The following ANO3 variants were observed in gnomAD, a reference collection of about 807,000 sequenced individuals.
ANO3 encodes the protein anoctamin-3.
A neutral mutation model predicts 144.8 loss-of-function variants in ANO3; 99 were observed. The observed-to-expected ratio is 0.68, with a 90% confidence interval of 0.58 to 0.81. ANO3 has a LOEUF of 0.81. Ranked by LOEUF, ANO3 falls within the 30% of genes least tolerant of loss-of-function variation. The pLI is 0.00. For missense variants in ANO3, 905 were observed against 1,202.2 expected (o/e 0.75, Z 3.66); for synonymous variants, 414 against 392.6 (o/e 1.05, Z -0.64).
At chr11:26,372,163 C>T (rs12099052) in intron 1 of ANO3, among the ~76,000 whole-genome samples, 10,710 of 152,116 alleles carry the variant, frequency 0.07, 663 homozygotes, top group African/African-American at 0.17. Context: ...TCCCCATGCT[C>T]TTCTTGTGAT....
rs1246544187 is a variant in ANO3 at position 26,343,031 on chromosome 11, G to A, written c.46+10710G>A. On this transcript the variant is annotated intron_variant, in intron 1 of 26. Transcript: ENST00000256737. ...CCTCTTAGCAAATTTCAAGTATATA[G>A]TACAGTAATATTAACTACAGTCACC... 2.0e-5 allele frequency among the ~76,000 whole-genome samples: 3 copies of A among 152,058 alleles called. No homozygotes were observed. The South Asian group carries it at 6.2e-4, about 32-fold the overall frequency.
chr11:26,412,555 GT>G (rs1361628842), intron 1 of ANO3, among the ~76,000 whole-genome samples: 3 of 151,830 alleles, frequency 2.0e-5, no homozygotes, highest in Non-Finnish European at 4.4e-5. Context: ...CTGGCACCTG[GT>G]ATACTCAAAT....
chr11:26,561,015 G>T, intron 14 of ANO3: 2 of 1,542,426 alleles, frequency 1.3e-6, no homozygotes, highest in South Asian at 1.2e-5. Context: ...TTTGTCAAAA[G>T]GCTAGGATGT....
intron 17 of ANO3, among the ~76,000 whole-genome samples, chr11:26,615,732 A>G (rs903720474): frequency 6.6e-6 from 1 of 152,186 alleles, no homozygotes; most frequent in Non-Finnish European, 1.5e-5. Context: ...CTTGCAAAAT[A>G]CCAACTTTTA....
intron 1 of ANO3, among the ~76,000 whole-genome samples, chr11:26,192,247 T>C (rs1337283581): frequency 6.6e-6 from 1 of 152,244 alleles, no homozygotes; most frequent in East Asian, 1.9e-4. Flanking sequence ...TAGGAATTTT[T>C]ACCTTATTTT....
chr11:26,454,723 T>G (rs1859083941), intron 3 of ANO3, among the ~76,000 whole-genome samples: 1 of 152,128 alleles, frequency 6.6e-6, no homozygotes. Flanking sequence ...CCTCATTTTA[T>G]GAGGCCAGCA....
chr11:26,607,307 A>ATCC (rs1267804000), intron 17 of ANO3, among the ~76,000 whole-genome samples: 1 of 152,118 alleles, frequency 6.6e-6, no homozygotes, highest in African/African-American at 2.4e-5. Context: ...CTTCGGGTTA[A>ATCC]TCCTCTCGTG....
At chr11:26,208,125 C>T (rs1053806431) in intron 1 of ANO3, 6 of 152,124 alleles carry the variant, frequency 3.9e-5, no homozygotes, top group Admixed American at 6.5e-5. Context: ...AGCAATTAGT[C>T]TATTCGTGAG....
chr11:26,501,974 C>A (rs113657172), intron 4 of ANO3, among the ~76,000 whole-genome samples: 1 of 151,956 alleles, frequency 6.6e-6, no homozygotes, highest in African/African-American at 2.4e-5. Flanking sequence ...TATCTTGTAA[C>A]AACTCATTAA....
chr11:26,575,581 T>C (rs1850964939), intron 14 of ANO3, among the ~76,000 whole-genome samples: 1 of 152,126 alleles, frequency 6.6e-6, no homozygotes, highest in Non-Finnish European at 1.5e-5. Context: ...AAAATGTCCA[T>C]TTTTATAAAG....
upstream of ANO3, chr11:26,309,509 C>G (rs1854459428): frequency 8.4e-6 from 2 of 237,152 alleles, no homozygotes; most frequent in African/African-American, 2.3e-5. Flanking sequence ...CTAATTTGGC[C>G]TATATCAGAT....
intron 1 of ANO3, among the ~76,000 whole-genome samples, chr11:26,256,196 T>G (rs1312876356): frequency 6.6e-6 from 1 of 152,188 alleles, no homozygotes; most frequent in Non-Finnish European, 1.5e-5. Context: ...ACTTGGTTTT[T>G]TGAAAATGTC....
At chr11:26,270,198 C>A (rs553618187) in intron 1 of ANO3, among the ~76,000 whole-genome samples, 3 of 152,282 alleles carry the variant, frequency 2.0e-5, no homozygotes, top group Non-Finnish European at 4.4e-5. Flanking sequence ...CTGTTCTAGA[C>A]CCTCTCCACT....
chr11:26,303,073 A>G (rs919918457), intron 1 of ANO3, among the ~76,000 whole-genome samples: 5 of 152,048 alleles, frequency 3.3e-5, no homozygotes, highest in African/African-American at 1.2e-4. Flanking sequence ...GATAAAAGGG[A>G]ACACTTATAC....
intron 4 of ANO3, among the ~76,000 whole-genome samples, chr11:26,465,429 C>A (rs1244927513): frequency 6.6e-6 from 1 of 151,672 alleles, no homozygotes; most frequent in African/African-American, 2.4e-5. Flanking sequence ...TTTATTTCTA[C>A]ACAAAAGTTA....
intron 1 of ANO3, among the ~76,000 whole-genome samples, chr11:26,246,582 T>C (rs996789481): frequency 6.7e-6 from 1 of 149,464 alleles, no homozygotes; most frequent in Non-Finnish European, 1.5e-5. Flanking sequence ...GAATTTTTCA[T>C]AATAATTTAC....
intron 6 of ANO3, among the ~76,000 whole-genome samples, chr11:26,523,886 T>C (rs1276795900): frequency 6.6e-6 from 1 of 152,174 alleles, no homozygotes; most frequent in African/African-American, 2.4e-5. Flanking sequence ...TTCCTAACCA[T>C]ATCCACTCCT....
intron 20 of ANO3, among the ~76,000 whole-genome samples, chr11:26,637,278 G>A (rs932289728): frequency 1.2e-4 from 18 of 152,068 alleles, no homozygotes; most frequent in Admixed American, 4.6e-4. Context: ...TGTGGGTAGC[G>A]AACCAATCAC....
At chr11:26,616,303 G>A (rs2132983116) in intron 17 of ANO3, among the ~76,000 whole-genome samples, 1 of 152,230 alleles carries the variant, frequency 6.6e-6, no homozygotes, top group South Asian at 2.1e-4. Flanking sequence ...TGTTAATGTA[G>A]GTTGGTGCAA....
Sources: allele counts gnomAD v4.1 joint callset (sites outside exome capture counted in the v4.1 genomes callset), GRCh38; gene constraint gnomAD v4.1.1; transcripts MANE v1.5; gene names NCBI Gene and HGNC (gene_info 2026-07-23, HGNC 2026-07-21).